Variants in TTC33 observed in about 807,000 individuals in gnomAD.
The protein encoded by TTC33 is tetratricopeptide repeat protein 33.
Under a neutral mutation model 29.4 loss-of-function variants are expected in TTC33, and 24 were observed. The ratio of observed to expected loss-of-function variants is 0.82; its 90% CI spans 0.59 to 1.15. The LOEUF (loss-of-function observed/expected upper bound fraction) is 1.15. Among genes scored for constraint, TTC33 ranks in the 50% most tolerant of loss-of-function variants. The pLI, the probability that TTC33 is intolerant of heterozygous loss-of-function variation, is 0.00. For missense variants in TTC33, 286 were observed against 310.4 expected, an observed-to-expected ratio of 0.92 and a Z score of 0.59; for synonymous variants, 107 against 100.3, an observed-to-expected ratio of 1.07 and a Z score of -0.40.
intron 1 of TTC33, among the ~76,000 whole-genome samples, chr5:40,747,256 C>T (rs1361901643): frequency 3.9e-5 from 6 of 152,036 alleles, no homozygotes; most frequent in Non-Finnish European, 8.8e-5. Flanking sequence ...CGGGGTTTCT[C>T]CATGTTGGTC....
chr5:40,720,947 A>G (rs1427051970), intron 4 of TTC33, among the ~76,000 whole-genome samples: 1 of 152,168 alleles, frequency 6.6e-6, no homozygotes, highest in Admixed American at 6.5e-5. Context: ...TTTTTGGACC[A>G]CTGTTAAAAC....
At chr5:40,735,895 G>T (rs925420656) in intron 2 of TTC33, among the ~76,000 whole-genome samples, 1 of 152,218 alleles carries the variant, frequency 6.6e-6, no homozygotes, top group Non-Finnish European at 1.5e-5. Flanking sequence ...GATTCATGGG[G>T]ACAGAAATAT....
intron 1 of TTC33, among the ~76,000 whole-genome samples, 185 bp from the exon 2 acceptor site, chr5:40,747,204 T>G (rs1002881220): frequency 1.1e-4 from 17 of 151,926 alleles, no homozygotes; most frequent in Admixed American, 1.0e-3. Context: ...ATTACACTCA[T>G]GCACCACCCA....
intron 2 of TTC33, among the ~76,000 whole-genome samples, chr5:40,731,990 C>CAAAGT (rs1742437939): frequency 6.6e-6 from 1 of 152,154 alleles, no homozygotes; most frequent in Non-Finnish European, 1.5e-5. Context: ...ACTTACTACT[C>CAAAGT]AAAGTAAGTG....
intron 1 of TTC33, among the ~76,000 whole-genome samples, chr5:40,754,444 G>T (rs1742949180): frequency 6.6e-6 from 1 of 152,170 alleles, no homozygotes; most frequent in Admixed American, 6.5e-5. Flanking sequence ...CTAGTCATCT[G>T]CTCAAAGTAA....
intron 2 of TTC33, among the ~76,000 whole-genome samples, chr5:40,733,658 G>A (rs1377322802): frequency 6.6e-6 from 1 of 152,194 alleles, no homozygotes; most frequent in Admixed American, 6.5e-5. Flanking sequence ...GGTCAGGGAT[G>A]TTAACATTCT....
intron 2 of TTC33, among the ~76,000 whole-genome samples, chr5:40,740,609 C>T (rs1051912621): frequency 7.2e-5 from 11 of 152,114 alleles, no homozygotes; most frequent in African/African-American, 2.4e-4. Flanking sequence ...AGCTCATTCC[C>T]GAGGGGCATG....
At chr5:40,755,085 T>G (rs1742960662) in intron 1 of TTC33, among the ~76,000 whole-genome samples, 1 of 152,178 alleles carries the variant, frequency 6.6e-6, no homozygotes, top group Non-Finnish European at 1.5e-5. Flanking sequence ...TAGGATTATA[T>G]TTCAGGAATG....
intron 4 of TTC33, among the ~76,000 whole-genome samples, chr5:40,727,368 G>A (rs867737654): frequency 3.3e-5 from 5 of 152,050 alleles, no homozygotes; most frequent in Admixed American, 6.6e-5. Context: ...GTTAAATTTC[G>A]TTAGCTATCA....
intron 2 of TTC33, among the ~76,000 whole-genome samples, chr5:40,730,713 T>C (rs1017530423): frequency 1.3e-5 from 2 of 152,142 alleles, no homozygotes. Context: ...CCATGAAATA[T>C]ATGTAAAAAT....
Position 40,730,322 on chromosome 5 carries a change from C to T in TTC33, c.243G>A (p.Lys81=). Residue 81 remains lysine, a synonymous_variant, in exon 3 of 5, where the codon AAG becomes AAA. Transcript: ENST00000337702. The part of the protein sequence containing the change: ...ENKRYREAIQ[K]WDEALQLTPN... ...GAGTTAACTGTAGTGCTTCATCCCA[C>T]TTCTGAATTGCCTCCCGATATCTGT... 7 of 1,613,110 alleles carry T rather than the reference C, an allele frequency of 4.3e-6. No individual in the cohort carries two copies. The highest frequency in any genetic ancestry group is 5.1e-6 in the Non-Finnish European group (6 of 1,179,388).
At chr5:40,743,385 T>C (rs886161409) in intron 2 of TTC33, among the ~76,000 whole-genome samples, 10 of 152,214 alleles carry the variant, frequency 6.6e-5, no homozygotes, top group Non-Finnish European at 5.9e-5. Context: ...CAGTTTAAGA[T>C]GAAGTTGATT....
At chr5:40,738,004 G>A (rs1271239489) in intron 2 of TTC33, among the ~76,000 whole-genome samples, 1 of 152,164 alleles carries the variant, frequency 6.6e-6, no homozygotes, top group Non-Finnish European at 1.5e-5. Flanking sequence ...TATTAATAAA[G>A]CTGCTAGAGA....
At chr5:40,726,136 AAGTCTTT>A (rs2111886417) in intron 4 of TTC33, among the ~76,000 whole-genome samples, 1 of 131,020 alleles carries the variant, frequency 7.6e-6, no homozygotes, top group Admixed American at 8.8e-5. Context: ...CATTCTCATA[AAGTCTTT>A]TATATATATA....
Position 40,746,902 on chromosome 5 carries a change from G to A in TTC33, c.117C>T (p.Asn39=). 1 of 1,614,110 alleles carries A rather than the reference G, an allele frequency of 6.2e-7. No homozygotes were observed. The highest frequency in any genetic ancestry group is 8.5e-7 in the Non-Finnish European group (1 of 1,180,000). Residue 39 remains asparagine, a synonymous_variant, in exon 2 of 5, where the codon AAC becomes AAT. Coordinates refer to ENST00000337702, the MANE Select transcript of TTC33 (RefSeq NM_012382.3). ...TCCTACGTTTAATGGCATGAAGCCA[G>A]TTCCCTTCATCGTTGTCAACTACAT... is the stretch of plus-strand genomic sequence containing the variant. ...EKDVVDNDEG[N]WLHAIKRRKE...
At chr5:40,717,154 G>A (rs1022096040) in intron 4 of TTC33, among the ~76,000 whole-genome samples, 3 of 150,566 alleles carry the variant, frequency 2.0e-5, no homozygotes, top group African/African-American at 7.3e-5. Context: ...GCTTGAACCC[G>A]GGAGACAGAG....
chr5:40,730,745 T>G (rs1029866810), intron 2 of TTC33, among the ~76,000 whole-genome samples: 1 of 152,134 alleles, frequency 6.6e-6, no homozygotes. Flanking sequence ...GATTAGCAAA[T>G]TAAGTCCAGC....
intron 2 of TTC33, among the ~76,000 whole-genome samples, chr5:40,741,452 T>G (rs1182553912): frequency 6.6e-6 from 1 of 152,188 alleles, no homozygotes; most frequent in Non-Finnish European, 1.5e-5. Flanking sequence ...TTTCCCTGGA[T>G]TTACAGAAAT....
intron 1 of TTC33, among the ~76,000 whole-genome samples, chr5:40,748,924 C>T (rs1439033337): frequency 6.6e-6 from 1 of 152,108 alleles, no homozygotes. Flanking sequence ...CATTTGAGGT[C>T]AGGAGTTTAA....
Sources: gnomAD v4.1 joint callset for allele counts (sites outside exome capture counted in the v4.1 genomes callset) on GRCh38, gnomAD v4.1.1 for gene constraint, MANE v1.5 for transcripts, NCBI Gene and HGNC (gene_info 2026-07-23, HGNC 2026-07-21) for gene names.